ZNF281: variants seen among roughly 807,000 people sequenced by gnomAD.
The protein encoded by ZNF281 is zinc finger protein 281, also known as GC-box-binding zinc finger protein 1.
A neutral mutation model predicts 58.8 loss-of-function variants in ZNF281; 2 were observed. The ratio of observed to expected loss-of-function variants is 0.03; its 90% CI spans 0.01 to 0.11. The LOEUF (loss-of-function observed/expected upper bound fraction) is 0.11, where lower values mean the gene tolerates loss of function less well. Among genes scored for constraint, ZNF281 ranks in the 10% least tolerant of loss-of-function variants. The pLI, the probability that ZNF281 is intolerant of heterozygous loss-of-function variation, is 1.00. For synonymous variants in ZNF281, 465 were observed against 407.7 expected (o/e 1.14, Z -1.69); for missense variants, 975 against 1,090.7 (o/e 0.89, Z 1.49).
At position 200,406,492 on chromosome 1, in the gene ZNF281, G is replaced by C. The variant is rs978839915; in HGVS notation, c.*526C>G. ...AATGTCTTCGATCCCTTACTTAAAT[G>C]ACGAAATGTCTATCAGCCCAGATAG... is the stretch of plus-strand genomic sequence containing the variant. On this transcript the variant is annotated 3_prime_UTR_variant, in exon 2 of 2. Transcript: ENST00000367353. 3 of 152,646 alleles carry C rather than the reference G, an allele frequency of 2.0e-5. No individual in the cohort carries two copies. Among genetic ancestry groups the C allele is most frequent in the South Asian group, 4.1e-4 (2 of 4,834 alleles). The allele number at this position is 152,646 out of a possible 1,614,324, so 9.5% of individuals were successfully genotyped here. A position where few individuals can be genotyped will look rare whatever the true frequency, so the allele number is the denominator to read the frequency against.
At position 200,406,980 on chromosome 1, in the gene ZNF281, T is replaced by G; in HGVS notation, c.*38A>C. Reference sequence around the variant, plus strand: ...CAGTGTTCTCAAAATAAAACAAAATTACATTAGAAGACCTCCAGCCTGGCC... The same window carrying G: ...CAGTGTTCTCAAAATAAAACAAAATGACATTAGAAGACCTCCAGCCTGGCC... On this transcript the variant is annotated 3_prime_UTR_variant, in exon 2 of 2. Coordinates refer to ENST00000367353, the MANE Select transcript of ZNF281 (RefSeq NM_001281293.2). 6.5e-7 allele frequency: 1 copy of G among 1,539,862 alleles called. No homozygotes were observed. Among genetic ancestry groups the G allele is most frequent in the Non-Finnish European group, 8.7e-7 (1 of 1,149,916 alleles).
rs768039555 is a variant in ZNF281, at chr1:200,409,487, G to C, written c.219C>G (p.Pro73=). ...FTRPAGSAAP[P]PQCVLSSSTS... The stretch of plus-strand genomic sequence containing the variant: ...TAGAGGAGGATAACACGCATTGCGG[G>C]GGAGGGGCGGCCGACCCCGCCGGCC... The change falls in exon 2 of 2, where the codon CCC becomes CCG. Residue 73 remains proline (P), a synonymous_variant. Transcript: ENST00000367353. 6.5e-7 allele frequency: 1 copy of C among 1,548,428 alleles called. No individual in the cohort carries two copies. Among genetic ancestry groups the C allele is most frequent in the Non-Finnish European group, 8.7e-7 (1 of 1,145,830 alleles).
chr1:200,407,143 C>T lies in ZNF281; in HGVS notation c.2563G>A (p.Gly855Arg), dbSNP rs1654473192. ...VPMTFITNSNGEVDHRVRTSV... is the reference protein window; with the variant it reads ...VPMTFITNSNREVDHRVRTSV... ...GTCCTTACTCTATGGTCCACTTCTCCATTAGAGTTAGTGATAAAGGTCATT... is the reference window on the plus strand; with the variant it reads ...GTCCTTACTCTATGGTCCACTTCTCTATTAGAGTTAGTGATAAAGGTCATT... Residue 855 changes from glycine (G) to arginine (R), a missense_variant, in exon 2 of 2, where the codon GGA becomes AGA. By Grantham distance (125) the Gly-to-Arg change is moderately radical. Around this residue, in one of 3 missense-constraint regions of ZNF281, gnomAD observed 579 missense variants for 608.9 expected, o/e 0.95. Transcript: ENST00000367353. The T allele has an allele frequency of 6.2e-7, 1 of 1,614,136 alleles. No homozygotes were observed. Among genetic ancestry groups the T allele is most frequent in the Non-Finnish European group, 8.5e-7 (1 of 1,180,008 alleles).
Position 200,407,820 on chromosome 1 carries a change from G to C in ZNF281, c.1886C>G (p.Ala629Gly), listed in dbSNP as rs368423007. The C allele has an allele frequency of 1.2e-6, 2 of 1,614,134 alleles. No homozygotes were observed. Among genetic ancestry groups the C allele is most frequent in the South Asian group, 1.1e-5 (1 of 91,086 alleles). Residue 629 changes from alanine (A) to glycine (G), a missense_variant, in exon 2 of 2, where the codon GCA becomes GGA. Around this residue, in one of 3 missense-constraint regions of ZNF281, gnomAD observed 579 missense variants for 608.9 expected, o/e 0.95. Transcript: ENST00000367353. ...GGTGTGTAAATCCACTCGTGGTTCT[G>C]CAATATTGAAAGGATCCTCTTTCTG... ...ESQKEDPFNI[A>G]EPRVDLHTSG... is the part of the protein sequence containing the mutation.
rs941984834 is a variant in ZNF281 at position 200,405,020 on chromosome 1, C to T, written c.*1998G>A. ...ATCAGAATAATACATATGCAGTATTCAGTACACACAATAAAAGTTAAAGAA... is the reference window on the plus strand; with the variant it reads ...ATCAGAATAATACATATGCAGTATTTAGTACACACAATAAAAGTTAAAGAA... On this transcript the variant is annotated 3_prime_UTR_variant, in exon 2 of 2. Transcript: ENST00000367353. 3 of 152,512 alleles carry T rather than the reference C, an allele frequency of 2.0e-5. No individual in the cohort carries two copies. The highest frequency in any genetic ancestry group is 7.2e-5 in the African/African-American group (3 of 41,402). 9.4% of individuals were successfully genotyped at this position (152,512 alleles called of 1,614,324 possible).
In ZNF281 at chr1:200,407,083, T is replaced by C; in HGVS notation, c.2623A>G (p.Met875Val). Residue 875 changes from methionine (M) to valine (V), a missense_variant, in exon 2 of 2, where the codon ATG becomes GTG. Physicochemically the swap from Met to Val is conservative, Grantham distance 21 (BLOSUM62 1). Around this residue, in one of 3 missense-constraint regions of ZNF281, gnomAD observed 579 missense variants for 608.9 expected, o/e 0.95. Transcript: ENST00000367353. ...CTACATGGCTCACTTACATCAGACA[T>C]CATATTTGTATACCCTGAGAAATCT... ...VSDFSGYTNM[M>V]SDVSEPCSTR... The C allele has an allele frequency of 6.2e-7, 1 of 1,614,140 alleles. No homozygotes were observed. Among genetic ancestry groups the C allele is most frequent in the South Asian group, 1.1e-5 (1 of 91,084 alleles).
rs1324406279 is a variant in ZNF281 at position 200,406,065 on chromosome 1, G to T, written c.*953C>A. 3 of 152,190 alleles carry T rather than the reference G, an allele frequency of 2.0e-5. No homozygotes were observed. Among genetic ancestry groups the T allele is most frequent in the Non-Finnish European group, 2.9e-5 (2 of 68,016 alleles). The allele number at this position is 152,190 out of a possible 1,614,324, so 9.4% of individuals were successfully genotyped here. ...CTGAGAACAAGAACAAAAAAACCCA[G>T]AAGTGTAGGTAATACGTAACAGCGC... On this transcript the variant is annotated 3_prime_UTR_variant, in exon 2 of 2. Transcript: ENST00000367353.
In ZNF281 at chr1:200,407,332, T is replaced by C; in HGVS notation, c.2374A>G (p.Lys792Glu). Reference protein sequence around the residue: ...QSSSQKLTSQKEQKNLESSTG... With the variant: ...QSSSQKLTSQEEQKNLESSTG... Reference sequence around the variant, plus strand: ...GAAGACTCTAAGTTTTTCTGTTCCTTCTGGCTAGTCAATTTCTGAGATGAG... The same window carrying C: ...GAAGACTCTAAGTTTTTCTGTTCCTCCTGGCTAGTCAATTTCTGAGATGAG... The change falls in exon 2 of 2, where the codon AAG becomes GAG. Residue 792 changes from lysine (K) to glutamate (E), a missense_variant. Coordinates refer to ENST00000367353, the MANE Select transcript of ZNF281 (RefSeq NM_001281293.2). 1 of 1,614,104 alleles carries C rather than the reference T, an allele frequency of 6.2e-7. No individual in the cohort carries two copies. Among genetic ancestry groups the C allele is most frequent in the South Asian group, 1.1e-5 (1 of 91,088 alleles).
rs913203585 is a variant in ZNF281, at chr1:200,405,511, T to A, written c.*1507A>T. ...AGACTGAAACATCACCAAAAGTACA[T>A]AAAAAACTCATCAGCATAAACATCA... On this transcript the variant is annotated 3_prime_UTR_variant, in exon 2 of 2. Transcript: ENST00000367353. 4 of 151,956 alleles carry A rather than the reference T, an allele frequency of 2.6e-5. No individual in the cohort carries two copies. The highest frequency in any genetic ancestry group is 7.3e-5 in the African/African-American group (3 of 41,366). 9.4% of individuals were successfully genotyped at this position (151,956 alleles called of 1,614,324 possible). A position where few individuals can be genotyped will look rare whatever the true frequency, so the allele number is the denominator to read the frequency against.
At position 200,409,600 on chromosome 1, in the gene ZNF281, T is replaced by C. The variant is rs755267577; in HGVS notation, c.106A>G (p.Ser36Gly). ...GSGGGGGGGS[S>G]GRRAEMEPTF... Reference sequence around the variant, plus strand: ...GGTTCCATCTCTGCCCTCCTGCCGCTGCTGCCGCCGCCGCCGCCGCCGCCA... The same window carrying C: ...GGTTCCATCTCTGCCCTCCTGCCGCCGCTGCCGCCGCCGCCGCCGCCGCCA... Residue 36 changes from serine to glycine, a missense_variant, in exon 2 of 2, where the codon AGC (serine) becomes GGC (glycine). By Grantham distance (56) the Ser-to-Gly change is moderately conservative. Around this residue, in one of 3 missense-constraint regions of ZNF281, gnomAD observed 370 missense variants for 360.9 expected, o/e 1.03. Coordinates refer to ENST00000367353, the MANE Select transcript of ZNF281 (RefSeq NM_001281293.2). 2.6e-6 allele frequency: 4 copies of C among 1,548,072 alleles called. No individual in the cohort carries two copies. Among genetic ancestry groups the C allele is most frequent in the South Asian group, 2.4e-5 (2 of 83,970 alleles).
chr1:200,407,858 G>A lies in ZNF281; in HGVS notation c.1848C>T (p.Asn616=), dbSNP rs777086758. The change falls in exon 2 of 2, where the codon AAC becomes AAT. Residue 616 remains asparagine, a synonymous_variant. Coordinates refer to ENST00000367353, the MANE Select transcript of ZNF281 (RefSeq NM_001281293.2). ...VLQSILDQYS[N]KSESQKEDPF... is the part of the protein sequence containing the mutation. Reference sequence around the variant, plus strand: ...GATCCTCTTTCTGGCTTTCTGATTTGTTGGAGTATTGATCCAAAATACTTT... The same window carrying A: ...GATCCTCTTTCTGGCTTTCTGATTTATTGGAGTATTGATCCAAAATACTTT... The A allele has an allele frequency of 1.2e-6, 2 of 1,614,088 alleles. No homozygotes were observed. The highest frequency in any genetic ancestry group is 2.2e-5 in the East Asian group (1 of 44,880).
Position 200,409,999 on chromosome 1 carries a change from G to A in ZNF281, c.-72C>T. The A allele has an allele frequency of 7.1e-6, 4 of 566,688 alleles. No individual in the cohort carries two copies. Among genetic ancestry groups the A allele is most frequent in the South Asian group, 2.1e-5 (1 of 48,578 alleles). The allele number at this position is 566,688 out of a possible 1,614,324, so 35.1% of individuals were successfully genotyped here. On this transcript the variant is annotated 5_prime_UTR_variant, in exon 1 of 2. In the 5' UTR this introduces an upstream ATG that the reference lacks. Transcript: ENST00000367353. ...GCCTCCAGTTAATAAAAATAACGCC[G>A]TCCTCTCCACAATGGAATTAAAAGC...
chr1:200,409,944 A>C lies in ZNF281; in HGVS notation c.-19+2T>G. On this transcript the variant is annotated splice_donor_variant, in intron 1 of 1. Transcript: ENST00000367353. LOFTEE classifies it low-confidence loss of function (5UTR_SPLICE). ...CCTCCTGGACCCACCGGCAATACTT[A>C]CGGGTCCCGCCGCCGCCGCAGCCGC... 35 of 367,262 alleles carry C rather than the reference A, an allele frequency of 9.5e-5. No individual in the cohort carries two copies. Among genetic ancestry groups the C allele is most frequent in the East Asian group, 2.5e-4 (4 of 16,228 alleles). 22.8% of individuals were successfully genotyped at this position (367,262 alleles called of 1,614,324 possible).
At position 200,407,474 on chromosome 1, in the gene ZNF281, C is replaced by A. The variant is rs1400952194; in HGVS notation, c.2232G>T (p.Gln744His). ...KPPFGMLFGS[Q>H]PGLYLSALDA... ...CCAAAGCAGACAAATAAAGACCTGG[C>A]TGAGATCCAAACAACATCCCAAAAG... Residue 744 changes from glutamine (Q) to histidine (H), a missense_variant, in exon 2 of 2, where the codon CAG (glutamine) becomes CAT (histidine). Transcript: ENST00000367353. 6 of 1,614,038 alleles carry A rather than the reference C, an allele frequency of 3.7e-6. No homozygotes were observed. Among genetic ancestry groups the A allele is most frequent in the Non-Finnish European group, 5.1e-6 (6 of 1,180,044 alleles).
chr1:200,409,710 C>T lies in ZNF281; in HGVS notation c.-5G>A. On this transcript the variant is annotated 5_prime_UTR_variant, in exon 2 of 2. Coordinates refer to ENST00000367353, the MANE Select transcript of ZNF281 (RefSeq NM_001281293.2). The stretch of plus-strand genomic sequence containing the variant: ...GAACCCACTGCCGATTTTCATACCC[C>T]GGAGGAGGCCTGGCTGAAGAAAGGA... 6.3e-7 allele frequency: 1 copy of T among 1,593,838 alleles called. No individual in the cohort carries two copies. The highest frequency in any genetic ancestry group is 8.5e-7 in the Non-Finnish European group (1 of 1,172,660).
In ZNF281 at chr1:200,409,201, C is replaced by T; in HGVS notation, c.505G>A (p.Gly169Arg). The T allele has an allele frequency of 6.2e-7, 1 of 1,614,150 alleles. No homozygotes were observed. The highest frequency in any genetic ancestry group is 8.5e-7 in the Non-Finnish European group (1 of 1,180,024). ...RSPGLGGGEG[G>R]SHGVIQDLSI... is the part of the protein sequence containing the mutation. ...AGGTCCTGGATGACGCCGTGACTCCCCCCTTCACCGCCTCCTAGGCCTGGA... is the reference window on the plus strand; with the variant it reads ...AGGTCCTGGATGACGCCGTGACTCCTCCCTTCACCGCCTCCTAGGCCTGGA... The change falls in exon 2 of 2, where the codon GGG becomes AGG. Residue 169 changes from glycine to arginine, a missense_variant. Gly to Arg is a moderately radical substitution (Grantham distance 125). This residue lies in a region of ZNF281 where 370 missense variants were observed against 360.9 expected (regional missense o/e 1.03). Coordinates refer to ENST00000367353, the MANE Select transcript of ZNF281 (RefSeq NM_001281293.2).
chr1:200,407,377 T>C lies in ZNF281; in HGVS notation c.2329A>G (p.Thr777Ala), dbSNP rs1282175707. 1 of 1,614,000 alleles carries C rather than the reference T, an allele frequency of 6.2e-7. No homozygotes were observed. The highest frequency in any genetic ancestry group is 1.3e-5 in the African/African-American group (1 of 74,908). The change falls in exon 2 of 2, where the codon ACT becomes GCT. Residue 777 changes from threonine (T) to alanine (A), a missense_variant. Thr to Ala is a moderately conservative substitution (Grantham distance 58). Around this residue, in one of 3 missense-constraint regions of ZNF281, gnomAD observed 579 missense variants for 608.9 expected, o/e 0.95. Coordinates refer to ENST00000367353, the MANE Select transcript of ZNF281 (RefSeq NM_001281293.2). ...DLIDSQKNLE[T>A]SSAFQSSSQK... The stretch of plus-strand genomic sequence containing the variant: ...GATGAGGACTGGAAGGCTGATGAAG[T>C]CTCTAAGTTCTTCTGAGAATCTATC...
At position 200,409,603 on chromosome 1, in the gene ZNF281, T is replaced by C. The variant is rs935355514; in HGVS notation, c.103A>G (p.Ser35Gly). 24 of 1,547,950 alleles carry C rather than the reference T, an allele frequency of 1.6e-5. No homozygotes were observed. The highest frequency in any genetic ancestry group is 6.9e-5 in the African/African-American group (5 of 72,604). Residue 35 changes from serine to glycine, a missense_variant, in exon 2 of 2, where the codon AGC (serine) becomes GGC (glycine). Physicochemically the swap from Ser to Gly is moderately conservative, Grantham distance 56. Around this residue, in one of 3 missense-constraint regions of ZNF281, gnomAD observed 370 missense variants for 360.9 expected, o/e 1.03. Coordinates refer to ENST00000367353, the MANE Select transcript of ZNF281 (RefSeq NM_001281293.2). ...GGSGGGGGGG[S>G]SGRRAEMEPT... ...TCCATCTCTGCCCTCCTGCCGCTGC[T>C]GCCGCCGCCGCCGCCGCCGCCACTA...
At position 200,406,282 on chromosome 1, in the gene ZNF281, T is replaced by C. The variant is rs1654448453; in HGVS notation, c.*736A>G. 6.6e-6 allele frequency: 1 copy of C among 152,578 alleles called. No homozygotes were observed. Among genetic ancestry groups the C allele is most frequent in the Admixed American group, 6.5e-5 (1 of 15,272 alleles). The allele number at this position is 152,578 out of a possible 1,614,324, so 9.5% of individuals were successfully genotyped here. A position where few individuals can be genotyped will look rare whatever the true frequency, so the allele number is the denominator to read the frequency against. On this transcript the variant is annotated 3_prime_UTR_variant, in exon 2 of 2. Coordinates refer to ENST00000367353, the MANE Select transcript of ZNF281 (RefSeq NM_001281293.2). ...AGTTGAGATCAAGAGAGGGTGCTTT[T>C]TTTTTTTCCTTCTTTTATTAAAGCT...
Sources: allele counts gnomAD v4.1 joint callset, GRCh38; gene constraint gnomAD v4.1.1; regional missense constraint gnomAD v4.1.1; transcripts MANE v1.5; gene names NCBI Gene and HGNC (gene_info 2026-07-23, HGNC 2026-07-21).